The following ATP6V1H variants were observed in gnomAD, a reference collection of about 807,000 sequenced individuals.
ATP6V1H encodes V-type proton ATPase subunit H.
ATP6V1H carries 39 observed loss-of-function variants against 71.7 expected under a neutral mutation model. That is an observed-to-expected ratio of 0.54 (90% CI 0.42 to 0.71). The LOEUF (loss-of-function observed/expected upper bound fraction) is 0.71, where lower values mean the gene tolerates loss of function less well. Ranked by LOEUF, ATP6V1H falls within the 30% of genes least tolerant of loss-of-function variation. The pLI, the probability that ATP6V1H is intolerant of heterozygous loss-of-function variation, is 0.00. For synonymous variants in ATP6V1H, 192 were observed against 199.3 expected (o/e 0.96, Z 0.31); for missense variants, 509 against 594.9 (o/e 0.86, Z 1.50).
intron 11 of ATP6V1H, among the ~76,000 whole-genome samples, chr8:53,757,281 C>T (rs560225566): frequency 1.2e-3 from 187 of 152,310 alleles, no homozygotes; most frequent in Non-Finnish European, 1.4e-3. Flanking sequence ...CAGGAACCAG[C>T]AGCAAAGAAG....
rs914096758 is a variant in ATP6V1H, at chr8:53,781,918, G to C, written c.871-9751C>G. 2.3e-4 allele frequency among the ~76,000 whole-genome samples: 35 copies of C among 152,202 alleles called. 1 individual carries two copies. The highest frequency in any genetic ancestry group is 7.3e-5 in the Non-Finnish European group (5 of 68,036). On this transcript the variant is annotated intron_variant, in intron 9 of 13. Coordinates refer to ENST00000359530, the MANE Select transcript of ATP6V1H (RefSeq NM_015941.4). ...GGTTTATATCTCTGTTTTGGTACCAGTACCATGCTGTTTTGGTTACTATAG... is the reference window on the plus strand; with the variant it reads ...GGTTTATATCTCTGTTTTGGTACCACTACCATGCTGTTTTGGTTACTATAG...
intron 13 of ATP6V1H, among the ~76,000 whole-genome samples, chr8:53,728,212 C>T (rs1003301495): frequency 1.3e-5 from 2 of 152,160 alleles, no homozygotes; most frequent in Non-Finnish European, 2.9e-5. Context: ...AAGGAAGGTT[C>T]CCCTACCTCA....
At chr8:53,812,832 C>T (rs936011688) in intron 6 of ATP6V1H, among the ~76,000 whole-genome samples, 2 of 152,140 alleles carry the variant, frequency 1.3e-5, no homozygotes, top group African/African-American at 4.8e-5. Context: ...GTAGCTGGAA[C>T]TACAGGTGTG....
At chr8:53,745,455 A>T (rs1267066296) in intron 12 of ATP6V1H, among the ~76,000 whole-genome samples, 2 of 152,124 alleles carry the variant, frequency 1.3e-5, no homozygotes, top group Non-Finnish European at 2.9e-5. Context: ...ATAGCTGACA[A>T]GGTCCTTTCA....
intron 11 of ATP6V1H, 74 bp from the exon 12 acceptor site, chr8:53,756,730 G>A (rs1265006637): frequency 1.2e-6 from 1 of 868,864 alleles, no homozygotes; most frequent in Non-Finnish European, 1.8e-6. Flanking sequence ...CAGGTATAAT[G>A]AAGATATCTT....
intron 4 of ATP6V1H, among the ~76,000 whole-genome samples, chr8:53,818,146 T>G (rs1416441299): frequency 6.6e-6 from 1 of 152,218 alleles, no homozygotes; most frequent in Admixed American, 6.5e-5. Context: ...CTGGCTGAGA[T>G]CCACTTTCTG....
rs117410215 is a variant in ATP6V1H at position 53,779,530 on chromosome 8, T to C, written c.871-7363A>G. 3.0e-3 allele frequency among the ~76,000 whole-genome samples: 459 copies of C among 150,946 alleles called. 4 individuals carry two copies. The highest frequency in any genetic ancestry group is 6.8e-3 in the Middle Eastern group (2 of 294). Reference sequence around the variant, plus strand: ...AGGACATACTAGATATCACAGATTATTTATAATTCTTCTCTTAACCCCCAG... The same window carrying C: ...AGGACATACTAGATATCACAGATTACTTATAATTCTTCTCTTAACCCCCAG... On this transcript the variant is annotated intron_variant, in intron 9 of 13. Transcript: ENST00000359530.
chr8:53,789,510 G>A (rs1446894061), intron 9 of ATP6V1H, among the ~76,000 whole-genome samples: 9 of 151,982 alleles, frequency 5.9e-5, no homozygotes, highest in Admixed American at 5.9e-4. Flanking sequence ...TTAATACCTG[G>A]TTTTTCATAG....
At chr8:53,736,037 G>A (rs112610891) in intron 13 of ATP6V1H, among the ~76,000 whole-genome samples, 21 of 152,324 alleles carry the variant, frequency 1.4e-4, no homozygotes, top group African/African-American at 4.1e-4. Flanking sequence ...ACCCACGGCC[G>A]AAGCTTTAGG....
chr8:53,786,797 A>G (rs979506158), intron 9 of ATP6V1H, among the ~76,000 whole-genome samples: 3 of 152,238 alleles, frequency 2.0e-5, no homozygotes, highest in African/African-American at 7.2e-5. Context: ...GGATGTTGAC[A>G]TTTCTAAGAA....
At chr8:53,762,384 C>T (rs1808300231) in intron 11 of ATP6V1H, among the ~76,000 whole-genome samples, 1 of 152,114 alleles carries the variant, frequency 6.6e-6, no homozygotes, top group Non-Finnish European at 1.5e-5. Flanking sequence ...GGAGGACCCT[C>T]CTTCCAAATT....
chr8:53,715,716 AT>A lies in ATP6V1H; in HGVS notation c.*247del. 2 of 369,864 alleles carry A rather than the reference AT, an allele frequency of 5.4e-6. No individual in the cohort carries two copies. Among genetic ancestry groups the A allele is most frequent in the Non-Finnish European group, 9.6e-6 (2 of 209,096 alleles). The allele number at this position is 369,864 out of a possible 1,614,324, so 22.9% of individuals were successfully genotyped here. ...TAACTATATTTATTTCCAGAGAACA[AT>A]AAATACAGAAATTGCAAGCAGTATA... On this transcript the variant is annotated 3_prime_UTR_variant, in exon 14 of 14. Coordinates refer to ENST00000359530, the MANE Select transcript of ATP6V1H (RefSeq NM_015941.4).
intron 11 of ATP6V1H, among the ~76,000 whole-genome samples, chr8:53,760,713 T>TC (rs1390280094): frequency 6.6e-6 from 1 of 152,056 alleles, no homozygotes; most frequent in African/African-American, 2.4e-5. Context: ...CAGAACAGAC[T>TC]CCCTTCTGGG....
intron 12 of ATP6V1H, among the ~76,000 whole-genome samples, chr8:53,753,409 G>T (rs1000141942): frequency 5.9e-5 from 9 of 152,336 alleles, no homozygotes; most frequent in African/African-American, 2.2e-4. Context: ...TTCTTAGGGA[G>T]AGACAGTAAG....
At chr8:53,794,519 C>A (rs1453477469) in intron 9 of ATP6V1H, among the ~76,000 whole-genome samples, 1 of 152,106 alleles carries the variant, frequency 6.6e-6, no homozygotes, top group African/African-American at 2.4e-5. Context: ...GCACATGACA[C>A]CACGCCCAGC....
chr8:53,829,690 T>C (rs1281756707), intron 3 of ATP6V1H, among the ~76,000 whole-genome samples, 157 bp from the exon 4 acceptor site: 1 of 152,216 alleles, frequency 6.6e-6, no homozygotes, highest in Non-Finnish European at 1.5e-5. Flanking sequence ...AATATTGTGA[T>C]GAAGTATGAG....
intron 9 of ATP6V1H, among the ~76,000 whole-genome samples, chr8:53,776,633 G>A (rs1724854082): frequency 6.6e-6 from 1 of 152,214 alleles, no homozygotes. Flanking sequence ...GTTCTAGGAT[G>A]TATCATTTAC....
chr8:53,772,547 T>G (rs973635566), intron 9 of ATP6V1H, among the ~76,000 whole-genome samples: 1 of 152,084 alleles, frequency 6.6e-6, no homozygotes, highest in Non-Finnish European at 1.5e-5. Flanking sequence ...TTCTTCAAGT[T>G]TGCAATCAAG....
chr8:53,719,982 T>C (rs1585713358), intron 13 of ATP6V1H, among the ~76,000 whole-genome samples: 1 of 152,188 alleles, frequency 6.6e-6, no homozygotes, highest in East Asian at 1.9e-4. Context: ...AAAACTAGTA[T>C]AGATTTTACC....
Sources: allele counts gnomAD v4.1 joint callset (sites outside exome capture counted in the v4.1 genomes callset), GRCh38; gene constraint gnomAD v4.1.1; transcripts MANE v1.5; gene names NCBI Gene and HGNC (gene_info 2026-07-23, HGNC 2026-07-21).